Variants in ZNF407 observed in about 807,000 individuals in gnomAD.
ZNF407 encodes the protein zinc finger protein 407.
Under a neutral mutation model 131.2 loss-of-function variants are expected in ZNF407, and 17 were observed. The ratio of observed to expected loss-of-function variants is 0.13; its 90% CI spans 0.09 to 0.19. The LOEUF (loss-of-function observed/expected upper bound fraction) is 0.19, where lower values mean the gene tolerates loss of function less well. ZNF407 is among the 10% of genes least tolerant of loss of function. ZNF407 has a pLI of 1.00. For missense variants in ZNF407, 2,681 were observed against 2,830.6 expected, an observed-to-expected ratio of 0.95 and a Z score of 1.20; for synonymous variants, 1,156 against 1,062.0, an observed-to-expected ratio of 1.09 and a Z score of -1.72.
chr18:74,762,163 G>A (rs1265066412), intron 3 of ZNF407, among the ~76,000 whole-genome samples: 2 of 151,834 alleles, frequency 1.3e-5, no homozygotes, highest in Non-Finnish European at 1.5e-5. Flanking sequence ...TAGTACCATA[G>A]AGATCTCAAA....
intron 8 of ZNF407, among the ~76,000 whole-genome samples, chr18:75,040,222 C>T (rs186410819): frequency 6.6e-6 from 1 of 152,078 alleles, no homozygotes; most frequent in African/African-American, 2.4e-5. Context: ...GAATTTTTGT[C>T]ACAGTCATGA....
At chr18:75,000,463 G>A (rs774182596) in intron 8 of ZNF407, among the ~76,000 whole-genome samples, 6 of 152,190 alleles carry the variant, frequency 3.9e-5, no homozygotes, top group South Asian at 2.1e-4. Context: ...CCGTCAGGGC[G>A]TGATCTCTTT....
chr18:74,676,580 G>A (rs1264277092), intron 3 of ZNF407, among the ~76,000 whole-genome samples: 4 of 151,336 alleles, frequency 2.6e-5, no homozygotes, highest in Non-Finnish European at 4.4e-5. Flanking sequence ...GGGACTACAG[G>A]CGCCCACCAC....
In ZNF407 at chr18:74,635,907, G is replaced by A. The variant is rs1984441910; in HGVS notation, c.4687+201G>A. The stretch of plus-strand genomic sequence containing the variant: ...GTAATTAAGCCCTAGTGATTTCAAA[G>A]GCAGGTTAGCTGACAAGTTTCTTTT... On this transcript the variant is annotated intron_variant, in intron 2 of 8. Transcript: ENST00000299687. The surrounding 1 kb of genome is among the most constrained non-coding windows in gnomAD (Gnocchi z 4.7). 6.6e-6 allele frequency among the ~76,000 whole-genome samples: 1 copy of A among 152,112 alleles called. No individual in the cohort carries two copies. The highest frequency in any genetic ancestry group is 2.1e-4 in the South Asian group (1 of 4,822).
At position 74,819,191 on chromosome 18, in the gene ZNF407, ATATATT is replaced by A. The variant is rs563468488; in HGVS notation, c.4877+37691_4877+37696del. 2.4e-4 allele frequency among the ~76,000 whole-genome samples: 37 copies of A among 152,290 alleles called. No individual in the cohort carries two copies. The South Asian group carries it at 5.4e-3, about 22-fold the overall frequency. ...AAGGCCGGAAAAAAAATAGCTGTAG[ATATATT>A]TGTATTTGGGTAAAAGTATTCACAC... On this transcript the variant is annotated intron_variant, in intron 4 of 8. Coordinates refer to ENST00000299687, the MANE Select transcript of ZNF407 (RefSeq NM_017757.3).
intron 3 of ZNF407, among the ~76,000 whole-genome samples, chr18:74,719,883 ATT>A (rs755363326): frequency 5.9e-5 from 9 of 151,916 alleles, no homozygotes; most frequent in Non-Finnish European, 1.3e-4. Flanking sequence ...TATTCACCAC[ATT>A]TTCTTTATCC....
chr18:74,852,313 A>G (rs1372766188), intron 4 of ZNF407, among the ~76,000 whole-genome samples: 1 of 152,182 alleles, frequency 6.6e-6, no homozygotes, highest in African/African-American at 2.4e-5. Flanking sequence ...TTAAACAGGT[A>G]TAGGAAATAT....
intron 3 of ZNF407, among the ~76,000 whole-genome samples, chr18:74,766,457 C>T (rs1969235434): frequency 6.6e-6 from 1 of 152,178 alleles, no homozygotes; most frequent in African/African-American, 2.4e-5. Context: ...ATGAGATGAT[C>T]TATGTGGCAA....
At position 74,931,381 on chromosome 18, in the gene ZNF407, A is replaced by G. The variant is rs538834477; in HGVS notation, c.5428+10689A>G. ...AAGAGCAAGGCAAATAACCTATTTT[A>G]AAAATGGACAAATGATCAAAATAAC... On this transcript the variant is annotated intron_variant, in intron 8 of 8. Transcript: ENST00000299687. Among the ~76,000 whole-genome samples the G allele has an allele frequency of 2.6e-5, 4 of 152,346 alleles. No individual in the cohort carries two copies. In the East Asian group the frequency reaches 7.7e-4, roughly 29 times the overall value.
rs530606934 is a variant in ZNF407 at position 74,949,331 on chromosome 18, C to T, written c.5428+28639C>T. 3.2e-4 allele frequency among the ~76,000 whole-genome samples: 48 copies of T among 152,326 alleles called. 2 individuals carry two copies. The South Asian group carries it at 7.9e-3, about 25-fold the overall frequency. On this transcript the variant is annotated intron_variant, in intron 8 of 8. Coordinates refer to ENST00000299687, the MANE Select transcript of ZNF407 (RefSeq NM_017757.3). ...GATTCAGGGGAATCACTTAACCTCA[C>T]TGTACTTAAGTTTCCTTGAATACGA...
chr18:74,728,746 C>A (rs1034196237), intron 3 of ZNF407, among the ~76,000 whole-genome samples: 1 of 152,076 alleles, frequency 6.6e-6, no homozygotes, highest in African/African-American at 2.4e-5. Context: ...ATGCAGTTAC[C>A]AGTGGAGAGC....
chr18:74,953,237 ATTGC>A (rs1972236263), intron 8 of ZNF407, among the ~76,000 whole-genome samples: 2 of 152,178 alleles, frequency 1.3e-5, no homozygotes, highest in African/African-American at 4.8e-5. Context: ...TCAAGGGGAC[ATTGC>A]TTGAGAGCTG....
intron 1 of ZNF407, among the ~76,000 whole-genome samples, chr18:74,623,250 A>G (rs1170006137): frequency 6.7e-6 from 1 of 150,064 alleles, no homozygotes. Flanking sequence ...GTGTGTGTGC[A>G]TGTGAGTGTG....
At chr18:74,859,483 G>T (rs1298245531) in intron 4 of ZNF407, among the ~76,000 whole-genome samples, 1 of 152,200 alleles carries the variant, frequency 6.6e-6, no homozygotes, top group African/African-American at 2.4e-5. Context: ...TTTTATATGT[G>T]TGTAATGTTC....
rs1599032372 is a variant in ZNF407, at chr18:74,637,492, G to A, written c.4687+1786G>A. Among the ~76,000 whole-genome samples, 4 of 145,312 alleles carry A rather than the reference G, an allele frequency of 2.8e-5. No individual in the cohort carries two copies. In the East Asian group the frequency reaches 7.9e-4, roughly 29 times the overall value. ...TGATTGTAACATTTAGTAAAAGTTA[G>A]CATAGTTTTTTTTTTTTTAAACATC... On this transcript the variant is annotated intron_variant, in intron 2 of 8. Transcript: ENST00000299687.
In ZNF407 at chr18:75,004,676, A is replaced by G. The variant is rs115321324; in HGVS notation, c.5429-58474A>G. 4.1e-3 allele frequency among the ~76,000 whole-genome samples: 617 copies of G among 152,262 alleles called. 3 individuals are homozygous for G. The highest frequency in any genetic ancestry group is 0.014 in the African/African-American group (588 of 41,542). On this transcript the variant is annotated intron_variant, in intron 8 of 8. Coordinates refer to ENST00000299687, the MANE Select transcript of ZNF407 (RefSeq NM_017757.3). ...TTTTCCGGATTTTCCAGGGTTTATC[A>G]CACTTAGCTAATACTTGGTGTGCAA...
chr18:74,936,119 G>A (rs1024542500), intron 8 of ZNF407, among the ~76,000 whole-genome samples: 7 of 152,004 alleles, frequency 4.6e-5, no homozygotes, highest in Non-Finnish European at 5.9e-5. Context: ...AGTATGTTAC[G>A]AAGACATTTT....
chr18:74,807,160 C>T (rs1300960452), intron 4 of ZNF407, among the ~76,000 whole-genome samples: 3 of 152,080 alleles, frequency 2.0e-5, no homozygotes, highest in Admixed American at 2.0e-4. Flanking sequence ...GCATTATTTG[C>T]AAGAAGTAAT....
intron 3 of ZNF407, among the ~76,000 whole-genome samples, chr18:74,751,224 A>G (rs1718731761): frequency 6.6e-6 from 1 of 152,108 alleles, no homozygotes; most frequent in African/African-American, 2.4e-5. Flanking sequence ...CTAAGATTTT[A>G]TAGCTTTTTA....
Sources: gnomAD v4.1 joint callset for allele counts (sites outside exome capture counted in the v4.1 genomes callset) on GRCh38, gnomAD v4.1.1 for gene constraint, Gnocchi (gnomAD v3.1) non-coding constraint, MANE v1.5 for transcripts, NCBI Gene and HGNC (gene_info 2026-07-23, HGNC 2026-07-21) for gene names.